The following WDR36 variants were observed in gnomAD, a reference collection of about 807,000 sequenced individuals.
WDR36 encodes WD repeat-containing protein 36.
Under a neutral mutation model 112.7 loss-of-function variants are expected in WDR36, and 63 were observed. That is an observed-to-expected ratio of 0.56 (90% CI 0.46 to 0.69). The LOEUF (loss-of-function observed/expected upper bound fraction) is 0.69, where lower values mean the gene tolerates loss of function less well. WDR36 is among the 30% of genes least tolerant of loss of function. The pLI is 0.00. For missense variants in WDR36, 1,226 were observed against 1,070.3 expected (o/e 1.15, Z -2.03); for synonymous variants, 410 against 362.2 (o/e 1.13, Z -1.50).
At chr5:111,120,787 C>A (rs1049108165) in intron 18 of WDR36, among the ~76,000 whole-genome samples, 194 bp downstream of exon 18, 2 of 151,870 alleles carry the variant, frequency 1.3e-5, no homozygotes, top group Non-Finnish European at 2.9e-5. Flanking sequence ...AAATAGTATA[C>A]CATTGAAGAA....
In WDR36 at chr5:111,129,904, C is replaced by G; in HGVS notation, c.*3021C>G. On this transcript the variant is annotated 3_prime_UTR_variant, in exon 23 of 23. Transcript: ENST00000513710. ...TCTGAAGAGTGAAACAGCGCTGCTTCCAATATCTGTTCAAAATTCATTTAT... is the reference window on the plus strand; with the variant it reads ...TCTGAAGAGTGAAACAGCGCTGCTTGCAATATCTGTTCAAAATTCATTTAT... 1 of 210,146 alleles carries G rather than the reference C, an allele frequency of 4.8e-6. No individual in the cohort carries two copies. Among genetic ancestry groups the G allele is most frequent in the South Asian group, 1.9e-4 (1 of 5,320 alleles). 13.0% of individuals were successfully genotyped at this position (210,146 alleles called of 1,614,324 possible).
In WDR36 at chr5:111,126,800, G is replaced by T. The variant is rs761120597; in HGVS notation, c.2605G>T (p.Val869Leu). The change falls in exon 23 of 23, where the codon GTG (valine) becomes TTG (leucine). Residue 869 changes from valine to leucine, a missense_variant. Transcript: ENST00000513710. ...LEEITNLSSQ[V>L]EENWTHLQSL... ...AGAAATAACAAATTTGTCATCCCAG[G>T]TGGAAGAAAACTGGACCCATTTGCA... 4 of 1,613,550 alleles carry T rather than the reference G, an allele frequency of 2.5e-6. No homozygotes were observed. The highest frequency in any genetic ancestry group is 3.4e-6 in the Non-Finnish European group (4 of 1,179,814).
Position 111,107,582 on chromosome 5 carries a change from A to G in WDR36, c.1326+143A>G, listed in dbSNP as rs10038058. The stretch of plus-strand genomic sequence containing the variant: ...GCATTGCATAACCCAAAGCCACAAA[A>G]ATTTGCTCCTGTGACTTCTAAGAGT... On this transcript the variant is annotated intron_variant, in intron 12 of 22. Transcript: ENST00000513710. The G allele has an allele frequency of 0.48, 500,513 of 1,052,140 alleles. 124,330 individuals carry two copies. Among genetic ancestry groups the G allele is most frequent in the South Asian group, 0.68 (42,700 of 63,084 alleles). 65.2% of individuals were successfully genotyped at this position (1,052,140 alleles called of 1,614,324 possible).
intron 19 of WDR36, among the ~76,000 whole-genome samples, chr5:111,121,973 CTAA>C (rs1753576452): frequency 6.6e-6 from 1 of 152,128 alleles, no homozygotes; most frequent in African/African-American, 2.4e-5. Context: ...GACTAAGTAA[CTAA>C]TAATTATCCT....
chr5:111,113,087 A>G lies in WDR36; in HGVS notation c.1730A>G (p.Asp577Gly). The change falls in exon 16 of 23, where the codon GAT (aspartate) becomes GGT (glycine). Residue 577 changes from aspartate to glycine, a missense_variant. Asp to Gly is a moderately conservative substitution (Grantham distance 94). Transcript: ENST00000513710. ...GQINDMAFSP[D>G]GRWLISAAMD... ...TTTAATTTAAAGGCTTTTAGTCCTGATGGTCGTTGGTTAATAAGTGCTGCG... is the reference window on the plus strand; with the variant it reads ...TTTAATTTAAAGGCTTTTAGTCCTGGTGGTCGTTGGTTAATAAGTGCTGCG... 6.9e-7 allele frequency: 1 copy of G among 1,456,668 alleles called. No homozygotes were observed. The highest frequency in any genetic ancestry group is 9.1e-7 in the Non-Finnish European group (1 of 1,093,894). The allele number at this position is 1,456,668 out of a possible 1,614,324, so 90.2% of individuals were successfully genotyped here.
At chr5:111,117,102 TC>T (rs1753471199) in intron 16 of WDR36, among the ~76,000 whole-genome samples, 1 of 152,340 alleles carries the variant, frequency 6.6e-6, no homozygotes, top group Non-Finnish European at 1.5e-5. Flanking sequence ...GCAAATGTTT[TC>T]TTTTCCCCAA....
chr5:111,119,682 A>G (rs1221843470), intron 17 of WDR36, among the ~76,000 whole-genome samples: 1 of 152,110 alleles, frequency 6.6e-6, no homozygotes, highest in Non-Finnish European at 1.5e-5. Context: ...CTAACTTTAT[A>G]TCTGTATTGG....
chr5:111,097,936 T>C (rs1289648092), intron 3 of WDR36, among the ~76,000 whole-genome samples: 1 of 152,184 alleles, frequency 6.6e-6, no homozygotes, highest in African/African-American at 2.4e-5. Flanking sequence ...ATTTTTAGAA[T>C]TGGAAAAAAT....
chr5:111,103,385 G>A (rs927664648), intron 6 of WDR36, among the ~76,000 whole-genome samples: 1 of 151,618 alleles, frequency 6.6e-6, no homozygotes, highest in Non-Finnish European at 1.5e-5. Flanking sequence ...TTTGTAATTG[G>A]TTACATGTTG....
chr5:111,117,594 T>A (rs973684592), intron 16 of WDR36, among the ~76,000 whole-genome samples: 1 of 152,182 alleles, frequency 6.6e-6, no homozygotes, highest in Admixed American at 6.6e-5. Context: ...CTTTCTACCT[T>A]GAGCGAGTTT....
intron 19 of WDR36, among the ~76,000 whole-genome samples, chr5:111,122,919 G>A (rs1402325894): frequency 1.3e-5 from 2 of 152,160 alleles, no homozygotes; most frequent in Middle Eastern, 3.2e-3. Context: ...AGACCAGCCT[G>A]GTCAACATGG....
At chr5:111,102,232 A>G in intron 5 of WDR36, 113 bp from the exon 6 acceptor site, 1 of 781,564 alleles carries the variant, frequency 1.3e-6, no homozygotes, top group Non-Finnish European at 2.1e-6. Flanking sequence ...TGTGTGGAAG[A>G]GTAAGAACTT....
At chr5:111,125,962 AG>A (rs1404299099) in intron 22 of WDR36, among the ~76,000 whole-genome samples, 167 bp downstream of exon 22, 1 of 152,174 alleles carries the variant, frequency 6.6e-6, no homozygotes, top group Non-Finnish European at 1.5e-5. Context: ...AGTGTGATCA[AG>A]AAACTGGATT....
At chr5:111,106,974 T>C (rs1461221255) in intron 11 of WDR36, among the ~76,000 whole-genome samples, 1 of 151,478 alleles carries the variant, frequency 6.6e-6, no homozygotes, top group Non-Finnish European at 1.5e-5. Flanking sequence ...TGAGTGGTCT[T>C]ATAAGACACT....
chr5:111,104,223 A>G lies in WDR36; in HGVS notation c.777A>G (p.Gly259=), dbSNP rs768444116. The change falls in exon 8 of 23, where the codon GGA becomes GGG. Residue 259 remains glycine (G), a synonymous_variant. Transcript: ENST00000513710. ...CTGGAAGCCCATGTGGCCATATTGG[A>G]CTCTGGGATCTAGAAGACAAAAAAT... The part of the protein sequence containing the change: ...MAAGSPCGHI[G]LWDLEDKKLI... 3 of 1,611,648 alleles carry G rather than the reference A, an allele frequency of 1.9e-6. No homozygotes were observed. The African/African-American group carries it at 4.0e-5, about 22-fold the overall frequency.
At chr5:111,095,146 C>T (rs1188219885) in intron 2 of WDR36, 199 bp downstream of exon 2, 2 of 567,622 alleles carry the variant, frequency 3.5e-6, no homozygotes, top group African/African-American at 3.8e-5. Flanking sequence ...TTTCTTTAAT[C>T]TGGAACTGTT....
At chr5:111,110,756 A>ATTTT in intron 13 of WDR36, 32 bp from the exon 14 acceptor site, 1 of 1,518,062 alleles carries the variant, frequency 6.6e-7, no homozygotes, top group Non-Finnish European at 9.0e-7. Context: ...GCCAATTCTG[A>ATTTT]TTTTTTTTTT....
chr5:111,112,032 G>T (rs1753351841), intron 15 of WDR36, among the ~76,000 whole-genome samples: 1 of 151,456 alleles, frequency 6.6e-6, no homozygotes. Context: ...CAAAATTGAA[G>T]AAAAAAAACA....
rs1025075557 is a variant in WDR36 at position 111,106,830 on chromosome 5, T to C, written c.1181-464T>C. Among the ~76,000 whole-genome samples the C allele has an allele frequency of 6.6e-5, 10 of 151,428 alleles. No homozygotes were observed. In the East Asian group the frequency reaches 1.7e-3, roughly 26 times the overall value. On this transcript the variant is annotated intron_variant, in intron 11 of 22. Coordinates refer to ENST00000513710, the MANE Select transcript of WDR36 (RefSeq NM_139281.3). Reference sequence around the variant, plus strand: ...GATTGCCTTGCCCTACTCCTATCCCTCCCAAGAAGATACTACACTTACTTG... The same window carrying C: ...GATTGCCTTGCCCTACTCCTATCCCCCCCAAGAAGATACTACACTTACTTG...
Sources: allele counts gnomAD v4.1 joint callset (sites outside exome capture counted in the v4.1 genomes callset), GRCh38; gene constraint gnomAD v4.1.1; transcripts MANE v1.5; gene names NCBI Gene and HGNC (gene_info 2026-07-23, HGNC 2026-07-21).